KIAA0319: variants seen among roughly 807,000 people sequenced by gnomAD.
KIAA0319 encodes dyslexia-associated protein KIAA0319.
In KIAA0319, 83 loss-of-function variants were observed where a neutral mutation model predicts 108.4. The observed-to-expected ratio is 0.77, with a 90% CI of 0.64 to 0.92. The LOEUF is 0.92. Ranked by LOEUF, KIAA0319 falls within the 40% of genes least tolerant of loss-of-function variation. KIAA0319 has a pLI of 0.00. For missense variants in KIAA0319, 1,195 were observed against 1,322.4 expected, an observed-to-expected ratio of 0.90 and a Z score of 1.49; for synonymous variants, 484 against 510.4, an observed-to-expected ratio of 0.95 and a Z score of 0.70.
chr6:24,572,847 G>T (rs1057368568), intron 10 of KIAA0319, 149 bp from the exon 11 acceptor site: 3 of 802,062 alleles, frequency 3.7e-6, no homozygotes, highest in Non-Finnish European at 5.6e-6. Context: ...CAGGCACGGT[G>T]GTTCACATCT....
At chr6:24,581,649 A>C (rs182479225) in intron 6 of KIAA0319, among the ~76,000 whole-genome samples, 17 of 152,328 alleles carry the variant, frequency 1.1e-4, no homozygotes, top group Admixed American at 1.0e-3. Context: ...TGTCCTTAAC[A>C]CTGCAAGGAG....
chr6:24,608,650 G>T (rs1372759632), intron 1 of KIAA0319, among the ~76,000 whole-genome samples: 1 of 152,048 alleles, frequency 6.6e-6, no homozygotes, highest in Non-Finnish European at 1.5e-5. Flanking sequence ...CGCATGTCAG[G>T]CCAGGCGCGG....
chr6:24,573,337 G>A (rs1329442584), intron 10 of KIAA0319, among the ~76,000 whole-genome samples: 2 of 151,680 alleles, frequency 1.3e-5, no homozygotes, highest in African/African-American at 4.9e-5. Context: ...CTGAAGAACA[G>A]TCTATCACAG....
intron 15 of KIAA0319, 79 bp downstream of exon 15, chr6:24,564,123 G>T: frequency 6.4e-7 from 1 of 1,574,666 alleles, no homozygotes; most frequent in Non-Finnish European, 8.7e-7. Flanking sequence ...TCCCACACTG[G>T]TCACATCTGT....
chr6:24,608,929 T>TAA (rs1771850933), intron 1 of KIAA0319, among the ~76,000 whole-genome samples: 1 of 2,564 alleles, frequency 3.9e-4, no homozygotes, highest in Admixed American at 5.5e-3. Flanking sequence ...AGACTCCGTC[T>TAA]CAAAAAAAAA....
At chr6:24,613,593 C>G (rs56296327) in intron 1 of KIAA0319, among the ~76,000 whole-genome samples, 23,759 of 151,150 alleles carry the variant, frequency 0.16, 1,990 homozygotes, top group South Asian at 0.32. Context: ...TGAATCCCCA[C>G]TGATTTCTGA....
Position 24,583,588 on chromosome 6 carries a change from A to C in KIAA0319, c.1093+16T>G. The C allele has an allele frequency of 1.9e-6, 3 of 1,565,786 alleles. No individual in the cohort carries two copies. The highest frequency in any genetic ancestry group is 1.8e-6 in the Non-Finnish European group (2 of 1,137,134). On this transcript the variant is annotated intron_variant, in intron 5 of 20. Coordinates refer to ENST00000378214, the MANE Select transcript of KIAA0319 (RefSeq NM_014809.4). The stretch of plus-strand genomic sequence containing the variant: ...CCCCAGTTCCTAGTGGTCAGGGAGG[A>C]AGGTTAAACTCTCACCTACAGGTGG...
intron 3 of KIAA0319, among the ~76,000 whole-genome samples, chr6:24,595,436 A>ATAGGC (rs957540831): frequency 4.0e-5 from 6 of 149,640 alleles, no homozygotes; most frequent in South Asian, 2.1e-4. Context: ...AGTCCCAGCT[A>ATAGGC]CTCGGGAGGC....
intron 19 of KIAA0319, among the ~76,000 whole-genome samples, chr6:24,553,292 T>TATAC (rs1554142479): frequency 3.2e-5 from 3 of 95,016 alleles, no homozygotes; most frequent in African/African-American, 1.4e-4. Context: ...TATATATATA[T>TATAC]ATACACACAC....
intron 2 of KIAA0319, chr6:24,598,564 T>G: frequency 2.4e-6 from 1 of 416,482 alleles, no homozygotes; most frequent in Non-Finnish European, 4.7e-6. Flanking sequence ...CAAGAACAAG[T>G]ACAAGGACAA....
At chr6:24,619,114 A>G (rs1001059209) in intron 1 of KIAA0319, among the ~76,000 whole-genome samples, 1 of 152,212 alleles carries the variant, frequency 6.6e-6, no homozygotes, top group Non-Finnish European at 1.5e-5. Context: ...GAAAAGGGAA[A>G]GCACTAGAAG....
At chr6:24,614,282 G>GGTCTTCATTCTATCACCTCCCA (rs1772826805) in intron 1 of KIAA0319, among the ~76,000 whole-genome samples, 1 of 151,940 alleles carries the variant, frequency 6.6e-6, no homozygotes, top group African/African-American at 2.4e-5. Context: ...TTCGCCTCCC[G>GGTCTTCATTCTATCACCTCCCA]GTCTTCTTTC....
At chr6:24,619,955 T>A (rs1338956474) in intron 1 of KIAA0319, among the ~76,000 whole-genome samples, 1 of 152,218 alleles carries the variant, frequency 6.6e-6, no homozygotes, top group Admixed American at 6.5e-5. Context: ...GAAATGACAA[T>A]CACATGGATC....
intron 14 of KIAA0319, among the ~76,000 whole-genome samples, chr6:24,564,713 C>T (rs1306915793): frequency 6.6e-6 from 1 of 152,216 alleles, no homozygotes; most frequent in Non-Finnish European, 1.5e-5. Context: ...CTTTACAAAA[C>T]TCTCATCTTG....
chr6:24,612,912 C>A (rs564578856), intron 1 of KIAA0319, among the ~76,000 whole-genome samples: 94 of 152,280 alleles, frequency 6.2e-4, no homozygotes, highest in Middle Eastern at 3.4e-3. Context: ...CATTCTCCTG[C>A]CTCAGCCTCC....
rs531153165 is a variant in KIAA0319 at position 24,619,540 on chromosome 6, G to C, written c.-105-18332C>G. On this transcript the variant is annotated intron_variant, in intron 1 of 20. Transcript: ENST00000378214. ...TAGGCCACAGGATAAATACGTCCAG[G>C]GTTCATGGGAGAGAGGGCTGGAGAC... Among the ~76,000 whole-genome samples, 126 of 152,240 alleles carry C rather than the reference G, an allele frequency of 8.3e-4. No individual in the cohort carries two copies. In the Middle Eastern group the frequency reaches 0.014, roughly 16 times the overall value.
intron 1 of KIAA0319, among the ~76,000 whole-genome samples, chr6:24,602,544 T>G (rs974638652): frequency 2.0e-5 from 3 of 152,128 alleles, no homozygotes; most frequent in African/African-American, 7.2e-5. Flanking sequence ...CTCACGCCTG[T>G]AATCCCAGCA....
chr6:24,622,186 G>A (rs1774047805), intron 1 of KIAA0319, among the ~76,000 whole-genome samples: 1 of 152,130 alleles, frequency 6.6e-6, no homozygotes, highest in Non-Finnish European at 1.5e-5. Flanking sequence ...CATGCACTCA[G>A]ATGCCACAGC....
At chr6:24,600,389 A>G (rs1770443055) in intron 2 of KIAA0319, among the ~76,000 whole-genome samples, 1 of 152,160 alleles carries the variant, frequency 6.6e-6, no homozygotes, top group South Asian at 2.1e-4. Flanking sequence ...CTCACATCAT[A>G]TAAAATGGTG....
Sources: gnomAD v4.1 joint callset for allele counts (sites outside exome capture counted in the v4.1 genomes callset) on GRCh38, gnomAD v4.1.1 for gene constraint, MANE v1.5 for transcripts, NCBI Gene and HGNC (gene_info 2026-07-23, HGNC 2026-07-21) for gene names.